TET1: variants seen among roughly 807,000 people sequenced by gnomAD.
TET1 encodes methylcytosine dioxygenase TET1.
A neutral mutation model predicts 148.7 loss-of-function variants in TET1; 13 were observed. The observed-to-expected ratio is 0.09, with a 90% CI of 0.06 to 0.14. TET1 has a LOEUF of 0.14. TET1 is among the 10% of genes least tolerant of loss of function. The pLI is 1.00. For missense variants in TET1, 2,182 were observed against 2,553.8 expected (o/e 0.85, Z 3.14); for synonymous variants, 907 against 937.2 (o/e 0.97, Z 0.59).
chr10:68,584,581 C>A lies in TET1; in HGVS notation c.1914+10329C>A, dbSNP rs1292933422. Among the ~76,000 whole-genome samples, 543 of 150,506 alleles carry A rather than the reference C, an allele frequency of 3.6e-3. 2 individuals carry two copies. Among genetic ancestry groups the A allele is most frequent in the African/African-American group, 0.013 (526 of 41,154 alleles). ...AAAATTAGCCAGGCGTGGTGGCATGCACCTGTAATCCCAGCTATGAGGGAG... is the reference window on the plus strand; with the variant it reads ...AAAATTAGCCAGGCGTGGTGGCATGAACCTGTAATCCCAGCTATGAGGGAG... On this transcript the variant is annotated intron_variant, in intron 2 of 11. Coordinates refer to ENST00000373644, the MANE Select transcript of TET1 (RefSeq NM_030625.3).
chr10:68,565,464 T>TAAAAAA (rs199760806), intron 1 of TET1, among the ~76,000 whole-genome samples: 2,527 of 107,648 alleles, frequency 0.023, 50 homozygotes, highest in East Asian at 0.06. Context: ...AGACCCTGTT[T>TAAAAAA]AAAAAAAAAA....
intron 6 of TET1, among the ~76,000 whole-genome samples, chr10:68,665,026 C>T (rs1188070644): frequency 1.3e-5 from 2 of 152,046 alleles, no homozygotes; most frequent in South Asian, 2.1e-4. Context: ...CTCACCTCTA[C>T]GTTCCGAAAT....
At chr10:68,648,227 G>C (rs949722802) in intron 4 of TET1, among the ~76,000 whole-genome samples, 7 of 152,154 alleles carry the variant, frequency 4.6e-5, no homozygotes, top group Admixed American at 3.9e-4. Context: ...AAATCTTGCT[G>C]GGTAAAGATT....
At chr10:68,608,946 C>T (rs1030397495) in intron 3 of TET1, among the ~76,000 whole-genome samples, 2 of 152,144 alleles carry the variant, frequency 1.3e-5, no homozygotes, top group African/African-American at 4.8e-5. Context: ...CTGCCTTGGC[C>T]TCCAAAAGTG....
intron 3 of TET1, among the ~76,000 whole-genome samples, chr10:68,621,105 A>C (rs1334469740): frequency 2.0e-5 from 3 of 152,112 alleles, no homozygotes; most frequent in African/African-American, 7.2e-5. Flanking sequence ...GGTTGTGTTC[A>C]GTTTATCTTT....
chr10:68,569,166 CTTT>C (rs34385747), intron 1 of TET1, among the ~76,000 whole-genome samples: 14 of 69,762 alleles, frequency 2.0e-4, no homozygotes, highest in Admixed American at 5.6e-4. Context: ...AGGAGAGTTT[CTTT>C]TTTTTTTTTT....
At position 68,691,641 on chromosome 10, in the gene TET1, G is replaced by A; in HGVS notation, c.6238G>A (p.Ala2080Thr). 1 of 1,614,132 alleles carries A rather than the reference G, an allele frequency of 6.2e-7. No homozygotes were observed. The highest frequency in any genetic ancestry group is 8.5e-7 in the Non-Finnish European group (1 of 1,180,044). Reference protein sequence around the residue: ...AKEAKNKKMKASEQKDQAANE... With the variant: ...AKEAKNKKMKTSEQKDQAANE... The stretch of plus-strand genomic sequence containing the variant: ...AGAAGCTAAGAATAAGAAAATGAAG[G>A]CCTCAGAGCAAAAAGACCAGGCAGC... The change falls in exon 12 of 12, where the codon GCC (alanine) becomes ACC (threonine). Residue 2080 changes from alanine to threonine, a missense_variant. Physicochemically the swap from Ala to Thr is moderately conservative, Grantham distance 58 (BLOSUM62 0). Coordinates refer to ENST00000373644, the MANE Select transcript of TET1 (RefSeq NM_030625.3). The surrounding 1 kb of genome is among the most constrained non-coding windows in gnomAD (Gnocchi z 4.4).
rs775491775 is a variant in TET1, at chr10:68,646,062, T to C, written c.3333T>C (p.Asn1111=). The C allele has an allele frequency of 1.7e-5, 27 of 1,613,940 alleles. No individual in the cohort carries two copies. Among genetic ancestry groups the C allele is most frequent in the African/African-American group, 2.7e-5 (2 of 74,898 alleles). Reference sequence around the variant, plus strand: ...CACCAACAAGCCTTGTCACATGTAATGTACAGCAAAAATACAATCAGGAGA... The same window carrying C: ...CACCAACAAGCCTTGTCACATGTAACGTACAGCAAAAATACAATCAGGAGA... ...ESTPTSLVTC[N]VQQKYNQEKG... The change falls in exon 4 of 12, where the codon AAT becomes AAC. Residue 1111 remains asparagine (N), a synonymous_variant. Coordinates refer to ENST00000373644, the MANE Select transcript of TET1 (RefSeq NM_030625.3).
At chr10:68,639,938 A>G (rs2054718387) in intron 3 of TET1, among the ~76,000 whole-genome samples, 1 of 151,494 alleles carries the variant, frequency 6.6e-6, no homozygotes, top group Non-Finnish European at 1.5e-5. Flanking sequence ...GTAACTTTTT[A>G]TTTTTTTAAG....
At chr10:68,636,720 G>A (rs1230350397) in intron 3 of TET1, among the ~76,000 whole-genome samples, 1 of 152,154 alleles carries the variant, frequency 6.6e-6, no homozygotes, top group African/African-American at 2.4e-5. Context: ...AGCCTCTGCT[G>A]TGGCTCCCAT....
chr10:68,624,687 TCTCTCTC>T (rs1564975244), intron 3 of TET1, among the ~76,000 whole-genome samples: 8 of 130,314 alleles, frequency 6.1e-5, no homozygotes, highest in African/African-American at 1.5e-4. Flanking sequence ...TCTCTCTCTC[TCTCTCTC>T]TCTTTCTTTC....
chr10:68,629,237 T>C (rs999130476), intron 3 of TET1, among the ~76,000 whole-genome samples: 1 of 151,846 alleles, frequency 6.6e-6, no homozygotes, highest in Non-Finnish European at 1.5e-5. Flanking sequence ...TGGTGGCGAG[T>C]GCCTGTAACC....
intron 2 of TET1, among the ~76,000 whole-genome samples, chr10:68,595,919 CATATATATATATATAT>C (rs374124558): frequency 2.3e-3 from 78 of 34,510 alleles, no homozygotes; most frequent in African/African-American, 6.7e-3. Context: ...CCAGCCAAAA[CATATATATATATATAT>C]ATATATATAT....
Position 68,646,183 on chromosome 10 carries a change from T to A in TET1, c.3454T>A (p.Ser1152Thr). 1 of 1,613,334 alleles carries A rather than the reference T, an allele frequency of 6.2e-7. No homozygotes were observed. The highest frequency in any genetic ancestry group is 8.5e-7 in the Non-Finnish European group (1 of 1,179,930). Residue 1152 changes from serine to threonine, a missense_variant, in exon 4 of 12, where the codon TCC (serine) becomes ACC (threonine). Ser to Thr is a moderately conservative substitution (Grantham distance 58). Transcript: ENST00000373644. The stretch of plus-strand genomic sequence containing the variant: ...GAACCCAACCCAGAAAAAGACAAAA[T>A]CCACCCCATCAAGAGATCGGCGGAA... ...QKNPTQKKTK[S>T]TPSRDRRKKK...
chr10:68,567,838 C>A (rs1447407688), intron 1 of TET1, among the ~76,000 whole-genome samples: 1 of 151,960 alleles, frequency 6.6e-6, no homozygotes, highest in Non-Finnish European at 1.5e-5. Flanking sequence ...TTCGTGAGAA[C>A]ATATGGTTCT....
At chr10:68,637,766 G>A (rs898658814) in intron 3 of TET1, among the ~76,000 whole-genome samples, 1 of 151,946 alleles carries the variant, frequency 6.6e-6, no homozygotes, top group African/African-American at 2.4e-5. Context: ...TAGCTACTCA[G>A]GAGGCTGAGG....
At chr10:68,615,253 T>A (rs2054273025) in intron 3 of TET1, among the ~76,000 whole-genome samples, 1 of 152,184 alleles carries the variant, frequency 6.6e-6, no homozygotes, top group East Asian at 1.9e-4. Flanking sequence ...CAGTATTCCC[T>A]TATACCCTAC....
rs763886308 is a variant in TET1, at chr10:68,646,077, C to T, written c.3348C>T (p.Tyr1116=). The T allele has an allele frequency of 1.2e-6, 2 of 1,614,010 alleles. No homozygotes were observed. Among genetic ancestry groups the T allele is most frequent in the Non-Finnish European group, 1.7e-6 (2 of 1,180,008 alleles). ...TCACATGTAATGTACAGCAAAAATA[C>T]AATCAGGAGAAGGGCACAATACAAC... ...SLVTCNVQQK[Y]NQEKGTIQQK... The change falls in exon 4 of 12, where the codon TAC becomes TAT. Residue 1116 remains tyrosine, a synonymous_variant. Coordinates refer to ENST00000373644, the MANE Select transcript of TET1 (RefSeq NM_030625.3).
In TET1 at chr10:68,646,481, C is replaced by G; in HGVS notation, c.3752C>G (p.Ala1251Gly). Reference sequence around the variant, plus strand: ...AAATTACAGAGATATCCTGAATCAGCAGAGGAAAAGGTGAAGGTTGAACCA... The same window carrying G: ...AAATTACAGAGATATCCTGAATCAGGAGAGGAAAAGGTGAAGGTTGAACCA... ...QIKLQRYPES[A>G]EEKVKVEPLD... The change falls in exon 4 of 12, where the codon GCA (alanine) becomes GGA (glycine). Residue 1251 changes from alanine to glycine, a missense_variant. Ala to Gly is a moderately conservative substitution (Grantham distance 60). This residue lies in a region of TET1 where 582 missense variants were observed against 599.5 expected (regional missense o/e 0.97). Coordinates refer to ENST00000373644, the MANE Select transcript of TET1 (RefSeq NM_030625.3). The G allele has an allele frequency of 6.2e-7, 1 of 1,614,144 alleles. No individual in the cohort carries two copies. Among genetic ancestry groups the G allele is most frequent in the South Asian group, 1.1e-5 (1 of 91,072 alleles).
Sources: gnomAD v4.1 joint callset for allele counts (sites outside exome capture counted in the v4.1 genomes callset) on GRCh38, gnomAD v4.1.1 for gene constraint, gnomAD v4.1.1 regional missense constraint, Gnocchi (gnomAD v3.1) non-coding constraint, MANE v1.5 for transcripts, NCBI Gene and HGNC (gene_info 2026-07-23, HGNC 2026-07-21) for gene names.